FMN1: variants seen among roughly 807,000 people sequenced by gnomAD.
FMN1 encodes the protein formin-1.
In FMN1, 110 loss-of-function variants were observed where a neutral mutation model predicts 132.4. That is an observed-to-expected ratio of 0.83 (90% confidence interval 0.71 to 0.97). The LOEUF is 0.97. Ranked by LOEUF, FMN1 falls within the 50% of genes least tolerant of loss-of-function variation. The probability of loss-of-function intolerance (pLI) is 0.00; values close to 1 mark genes in which losing one functional copy is unlikely to be tolerated. For synonymous variants in FMN1, 722 were observed against 651.7 expected, an observed-to-expected ratio of 1.11 and a Z score of -1.64; for missense variants, 1,792 against 1,705.3, an observed-to-expected ratio of 1.05 and a Z score of -0.90.
intron 20 of FMN1, among the ~76,000 whole-genome samples, chr15:32,776,051 T>A (rs1412466430): frequency 1.3e-5 from 2 of 152,316 alleles, no homozygotes; most frequent in East Asian, 3.9e-4. Context: ...ATTTTACATG[T>A]CTTTTCTCAG....
At position 32,987,433 on chromosome 15, in the gene FMN1, A is replaced by T. The variant is rs1006136488; in HGVS notation, c.2224-17956T>A. Among the ~76,000 whole-genome samples, 3 of 152,278 alleles carry T rather than the reference A, an allele frequency of 2.0e-5. No individual in the cohort carries two copies. The South Asian group carries it at 6.2e-4, about 32-fold the overall frequency. ...ACTTCACACTCTAAATATTTAGATC[A>T]CTAGGAATTTCAACGTTAGACCATC... On this transcript the variant is annotated intron_variant, in intron 7 of 20. Coordinates refer to ENST00000616417, the MANE Select transcript of FMN1 (RefSeq NM_001277313.2).
Position 32,767,014 on chromosome 15 carries a change from G to A in FMN1, c.*7296C>T, listed in dbSNP as rs1427673923. ...AAACCAAGCACAGACCAGTTTCACTGGGGTACCTGCTTTCCCAGTACATTG... is the reference window on the plus strand; with the variant it reads ...AAACCAAGCACAGACCAGTTTCACTAGGGTACCTGCTTTCCCAGTACATTG... On this transcript the variant is annotated 3_prime_UTR_variant, in exon 21 of 21. Transcript: ENST00000616417. 6.6e-6 allele frequency: 1 copy of A among 152,286 alleles called. No homozygotes were observed. The highest frequency in any genetic ancestry group is 1.5e-5 in the Non-Finnish European group (1 of 68,050). 9.4% of individuals were successfully genotyped at this position (152,286 alleles called of 1,614,324 possible).
chr15:32,899,017 T>C (rs2060228335), intron 14 of FMN1, 124 bp from the exon 15 acceptor site: 5 of 661,512 alleles, frequency 7.6e-6, no homozygotes, highest in Non-Finnish European at 1.1e-5. Context: ...TCTTCGATGC[T>C]GGCAAGGTTT....
chr15:33,091,830 T>A (rs998828308), intron 4 of FMN1, among the ~76,000 whole-genome samples: 1 of 152,194 alleles, frequency 6.6e-6, no homozygotes, highest in African/African-American at 2.4e-5. Flanking sequence ...CATCTGAAAT[T>A]AGATAAATAT....
intron 16 of FMN1, among the ~76,000 whole-genome samples, chr15:32,887,296 C>G (rs1215967769): frequency 6.6e-6 from 1 of 152,142 alleles, no homozygotes; most frequent in African/African-American, 2.4e-5. Context: ...ACTCTGGGCT[C>G]CATTTCCACA....
At chr15:32,893,358 G>C in intron 15 of FMN1, among the ~76,000 whole-genome samples, 1 of 150,770 alleles carries the variant, frequency 6.6e-6, no homozygotes, top group South Asian at 2.1e-4. Flanking sequence ...ATTCAGTCCT[G>C]GTTTTGATTG....
intron 12 of FMN1, among the ~76,000 whole-genome samples, chr15:32,903,438 A>G (rs568029337): frequency 6.6e-6 from 1 of 152,348 alleles, no homozygotes; most frequent in East Asian, 1.9e-4. Flanking sequence ...CAAAAAGCTC[A>G]CAAGACTGAC....
chr15:32,798,178 G>A (rs1433142171), intron 19 of FMN1, among the ~76,000 whole-genome samples: 4 of 147,098 alleles, frequency 2.7e-5, no homozygotes, highest in South Asian at 2.2e-4. Flanking sequence ...TAAGGAAAAC[G>A]CACACACACA....
At chr15:33,128,213 A>C (rs1963301155) in intron 4 of FMN1, among the ~76,000 whole-genome samples, 1 of 152,146 alleles carries the variant, frequency 6.6e-6, no homozygotes. Context: ...AGCAAAAAGC[A>C]GACTTACGAG....
intron 3 of FMN1, among the ~76,000 whole-genome samples, chr15:33,172,430 A>G (rs1965365104): frequency 6.6e-6 from 1 of 152,218 alleles, no homozygotes; most frequent in South Asian, 2.1e-4. Flanking sequence ...GCAAGACGAA[A>G]AAAGGTACCA....
At chr15:32,835,770 G>C (rs1024034755) in intron 17 of FMN1, among the ~76,000 whole-genome samples, 11 of 152,186 alleles carry the variant, frequency 7.2e-5, no homozygotes, top group Admixed American at 5.9e-4. Flanking sequence ...TGGGAAGGCA[G>C]AAAGTGAAGC....
chr15:32,804,211 C>T (rs2057578660), intron 18 of FMN1, 70 bp downstream of exon 18: 3 of 1,081,712 alleles, frequency 2.8e-6, no homozygotes, highest in Non-Finnish European at 2.7e-6. Context: ...AAAATGAATG[C>T]ACTTCATAAT....
chr15:33,104,531 G>C (rs1390458483), intron 4 of FMN1, among the ~76,000 whole-genome samples: 1 of 152,036 alleles, frequency 6.6e-6, no homozygotes, highest in African/African-American at 2.4e-5. Flanking sequence ...TGATACAACA[G>C]AGGACTCACT....
intron 6 of FMN1, among the ~76,000 whole-genome samples, chr15:33,016,795 G>A (rs1251805911): frequency 6.6e-6 from 1 of 152,150 alleles, no homozygotes; most frequent in Non-Finnish European, 1.5e-5. Flanking sequence ...ACACCTGGGC[G>A]ATCTGATAGT....
intron 7 of FMN1, among the ~76,000 whole-genome samples, chr15:32,981,800 A>C (rs553178550): frequency 1.3e-5 from 2 of 152,260 alleles, no homozygotes; most frequent in East Asian, 3.9e-4. Flanking sequence ...ACGTATACAC[A>C]TATCAAAACA....
intron 9 of FMN1, among the ~76,000 whole-genome samples, chr15:32,942,974 T>C (rs542655409): frequency 1.3e-5 from 2 of 152,314 alleles, no homozygotes; most frequent in East Asian, 3.9e-4. Flanking sequence ...GACAATGATA[T>C]ACAGGTCGAG....
intron 7 of FMN1, among the ~76,000 whole-genome samples, chr15:32,972,939 C>T (rs528261659): frequency 1.3e-5 from 2 of 152,294 alleles, no homozygotes; most frequent in South Asian, 4.1e-4. Flanking sequence ...CGCCTCCAGT[C>T]AGCACATCCA....
At chr15:33,038,708 T>G (rs1356238025) in intron 6 of FMN1, among the ~76,000 whole-genome samples, 1 of 152,232 alleles carries the variant, frequency 6.6e-6, no homozygotes, top group Non-Finnish European at 1.5e-5. Context: ...TATCCTTACT[T>G]TAAGTCCCTG....
At chr15:33,100,967 CCT>C (rs1182588784) in intron 4 of FMN1, among the ~76,000 whole-genome samples, 10 of 151,838 alleles carry the variant, frequency 6.6e-5, no homozygotes, top group African/African-American at 1.9e-4. Flanking sequence ...CAATTCTTAC[CCT>C]GATTTTAAAC....
Sources: gnomAD v4.1 joint callset for allele counts (sites outside exome capture counted in the v4.1 genomes callset) on GRCh38, gnomAD v4.1.1 for gene constraint, MANE v1.5 for transcripts, NCBI Gene and HGNC (gene_info 2026-07-23, HGNC 2026-07-21) for gene names.